DLGAP2: variants seen among roughly 807,000 people sequenced by gnomAD.
The protein encoded by DLGAP2 is DLG associated protein 2.
In DLGAP2, 26 loss-of-function variants were observed where a neutral mutation model predicts 100.3. That is an observed-to-expected ratio of 0.26 (90% CI 0.19 to 0.36). The LOEUF is 0.36. Among genes scored for constraint, DLGAP2 ranks in the 10% least tolerant of loss-of-function variants. The pLI, the probability that DLGAP2 is intolerant of heterozygous loss-of-function variation, is 1.00. For missense variants in DLGAP2, 1,858 were observed against 1,453.2 expected (o/e 1.28, Z -4.53); for synonymous variants, 886 against 630.1 (o/e 1.41, Z -6.08).
intron 2 of DLGAP2, among the ~76,000 whole-genome samples, chr8:1,199,999 G>A (rs557800165): frequency 4.6e-5 from 7 of 152,104 alleles, no homozygotes; most frequent in Non-Finnish European, 7.4e-5. Context: ...CATCCCCGGG[G>A]GTCCCATCCT....
chr8:1,453,666 G>A (rs1291320932), intron 3 of DLGAP2, among the ~76,000 whole-genome samples: 2 of 152,122 alleles, frequency 1.3e-5, no homozygotes, highest in East Asian at 1.9e-4. Context: ...CCACCCAGCC[G>A]AACTCTCTAC....
Position 747,213 on chromosome 8 carries a change from ACC to A in DLGAP2, c.18+9390_18+9391del, listed in dbSNP as rs371011789. The stretch of plus-strand genomic sequence containing the variant: ...GACTGCTCTTCTGAGTTTGTGTACT[ACC>A]CACAACGCGTCATACTTCTGAGTCT... On this transcript the variant is annotated intron_variant, in intron 1 of 14. Transcript: ENST00000637795. 8.6e-4 allele frequency among the ~76,000 whole-genome samples: 130 copies of A among 151,644 alleles called. 1 individual carries two copies. In the Middle Eastern group the frequency reaches 0.01, roughly 12 times the overall value.
Position 1,335,495 on chromosome 8 carries a change from G to A in DLGAP2, c.106+76612G>A, listed in dbSNP as rs532288246. 4.1e-4 allele frequency among the ~76,000 whole-genome samples: 62 copies of A among 152,282 alleles called. 1 individual carries two copies. The highest frequency in any genetic ancestry group is 2.1e-3 in the Admixed American group (32 of 15,290). ...CTCTGGAGGAATGGGTAATAATCAC[G>A]TTGCAATATCGGACATGATGGCCCA... On this transcript the variant is annotated intron_variant, in intron 3 of 14. Transcript: ENST00000637795.
chr8:1,653,651 GTGGATTCC>G (rs1798217648), intron 8 of DLGAP2, among the ~76,000 whole-genome samples: 3 of 152,054 alleles, frequency 2.0e-5, no homozygotes, highest in Non-Finnish European at 4.4e-5. Flanking sequence ...AATTGCAGGG[GTGGATTCC>G]TGTATTTGCT....
chr8:1,623,633 CATGACCTGGCACCAGTGTGTG>C (rs1343369509), intron 6 of DLGAP2, among the ~76,000 whole-genome samples: 5 of 138,792 alleles, frequency 3.6e-5, no homozygotes, highest in South Asian at 4.7e-4. Context: ...CCCAGTGTGC[CATGACCTGGCACCAGTGTGTG>C]ATGACCTGAC....
intron 3 of DLGAP2, among the ~76,000 whole-genome samples, chr8:1,345,907 G>A (rs10110073): frequency 0.2 from 30,774 of 152,136 alleles, 3,836 homozygotes; most frequent in Admixed American, 0.3. Context: ...ACTCGGGGAC[G>A]TGAAGTGACT....
chr8:1,149,253 C>G (rs1206810594), intron 2 of DLGAP2, among the ~76,000 whole-genome samples: 1 of 152,164 alleles, frequency 6.6e-6, no homozygotes, highest in Non-Finnish European at 1.5e-5. Flanking sequence ...TCACGCCATT[C>G]TCCCGCCTCA....
intron 2 of DLGAP2, among the ~76,000 whole-genome samples, chr8:1,072,797 C>G (rs7816727): frequency 0.061 from 9,338 of 152,266 alleles, 967 homozygotes; most frequent in African/African-American, 0.21. Context: ...GTTTGTTAGG[C>G]ACGTACCTGG....
chr8:865,793 A>G (rs1011303432), intron 1 of DLGAP2, among the ~76,000 whole-genome samples: 5 of 152,152 alleles, frequency 3.3e-5, no homozygotes, highest in South Asian at 2.1e-4. Flanking sequence ...TGTACATTCC[A>G]GCTCATTGGA....
intron 1 of DLGAP2, among the ~76,000 whole-genome samples, chr8:859,242 G>T (rs1265048195): frequency 6.6e-6 from 1 of 151,898 alleles, no homozygotes; most frequent in Non-Finnish European, 1.5e-5. Flanking sequence ...CTCCCAAGTA[G>T]CTGGGATCAC....
At chr8:1,339,588 C>A (rs1026551695) in intron 3 of DLGAP2, among the ~76,000 whole-genome samples, 1 of 152,178 alleles carries the variant, frequency 6.6e-6, no homozygotes, top group Non-Finnish European at 1.5e-5. Context: ...TTATTTTTTT[C>A]CATGTTTTCT....
intron 1 of DLGAP2, among the ~76,000 whole-genome samples, chr8:841,748 A>T (rs1758377454): frequency 3.9e-5 from 6 of 152,164 alleles, no homozygotes; most frequent in Admixed American, 3.9e-4. Context: ...ACCCGGCAGC[A>T]GGTGAGTTTT....
intron 8 of DLGAP2, among the ~76,000 whole-genome samples, chr8:1,653,762 C>G (rs1798221079): frequency 1.3e-5 from 2 of 151,986 alleles, no homozygotes; most frequent in African/African-American, 2.4e-5. Context: ...TTAGGGTCAC[C>G]TTAAGATTGA....
chr8:895,054 T>G (rs1006256450), intron 1 of DLGAP2, among the ~76,000 whole-genome samples: 5 of 95,856 alleles, frequency 5.2e-5, no homozygotes, highest in African/African-American at 8.3e-5. Context: ...CTGGGGTGGG[T>G]GTGGGGAGTC....
chr8:1,263,916 A>G (rs1799400825), intron 3 of DLGAP2, among the ~76,000 whole-genome samples: 3 of 152,166 alleles, frequency 2.0e-5, no homozygotes, highest in South Asian at 2.1e-4. Flanking sequence ...CTTAAGAACT[A>G]AAAAGTTCCA....
In DLGAP2 at chr8:1,708,282, T is replaced by C. The variant is rs1322349639; in HGVS notation, c.*6876T>C. 6.6e-6 allele frequency: 1 copy of C among 152,184 alleles called. No individual in the cohort carries two copies. Among genetic ancestry groups the C allele is most frequent in the Non-Finnish European group, 1.5e-5 (1 of 68,028 alleles). The allele number at this position is 152,184 out of a possible 1,614,324, so 9.4% of individuals were successfully genotyped here. On this transcript the variant is annotated 3_prime_UTR_variant, in exon 15 of 15. Transcript: ENST00000637795. ...CGTGTTATTTTAATCTCAGAAAAAT[T>C]ATATAGACCAAAGAGTTTTATCCGA...
At chr8:1,412,114 T>A (rs962550285) in intron 3 of DLGAP2, among the ~76,000 whole-genome samples, 8 of 152,250 alleles carry the variant, frequency 5.3e-5, no homozygotes, top group African/African-American at 1.9e-4. Context: ...AAGCATGGGC[T>A]GGGCTTGCTG....
At chr8:1,037,444 C>T (rs1337211654) in intron 2 of DLGAP2, among the ~76,000 whole-genome samples, 7 of 152,140 alleles carry the variant, frequency 4.6e-5, no homozygotes, top group African/African-American at 1.7e-4. Flanking sequence ...CTCCTGCACC[C>T]CCAGGGCCTG....
rs903905172 is a variant in DLGAP2 at position 1,168,598 on chromosome 8, T to C, written c.74-90253T>C. On this transcript the variant is annotated intron_variant, in intron 2 of 14. Transcript: ENST00000637795. ...CTAACAGGTGTGAGATGATATCTCA[T>C]TGTGGTTTTGATTTGCATTTCTCTG... Among the ~76,000 whole-genome samples the C allele has an allele frequency of 1.8e-3, 269 of 149,290 alleles. 1 individual carries two copies. The highest frequency in any genetic ancestry group is 5.3e-3 in the African/African-American group (213 of 40,380).
Sources: allele counts gnomAD v4.1 joint callset (sites outside exome capture counted in the v4.1 genomes callset), GRCh38; gene constraint gnomAD v4.1.1; transcripts MANE v1.5; gene names NCBI Gene and HGNC (gene_info 2026-07-23, HGNC 2026-07-21).